Variants in TG observed in about 807,000 individuals in gnomAD.
TG encodes thyroid hormones.
TG carries 270 observed loss-of-function variants against 324.7 expected under a neutral mutation model. The ratio of observed to expected loss-of-function variants is 0.83; its 90% CI spans 0.75 to 0.92. The LOEUF (loss-of-function observed/expected upper bound fraction) is 0.92, where lower values mean the gene tolerates loss of function less well. TG is among the 40% of genes least tolerant of loss of function. The probability of loss-of-function intolerance (pLI) is 0.00; values close to 1 mark genes in which losing one functional copy is unlikely to be tolerated. For synonymous variants in TG, 1,401 were observed against 1,327.0 expected, an observed-to-expected ratio of 1.06 and a Z score of -1.21; for missense variants, 3,591 against 3,456.4, an observed-to-expected ratio of 1.04 and a Z score of -0.98.
chr8:133,077,090 C>T (rs1845008235), intron 41 of TG, among the ~76,000 whole-genome samples: 1 of 152,132 alleles, frequency 6.6e-6, no homozygotes, highest in Admixed American at 6.5e-5. Context: ...TGGGCTCTCT[C>T]TAGAGATATC....
rs371632708 is a variant in TG, at chr8:133,094,451, A to G, written c.7240-593A>G. On this transcript the variant is annotated intron_variant, in intron 41 of 47. Transcript: ENST00000220616. ...GAGATGGGGTTTCACTGTGTTAGCC[A>G]GGATGGTCTCGATCTCCTGACCTTG... 4.6e-5 allele frequency among the ~76,000 whole-genome samples: 7 copies of G among 152,136 alleles called. No individual in the cohort carries two copies. The South Asian group carries it at 1.2e-3, about 27-fold the overall frequency.
chr8:132,870,826 G>A (rs1363478056), intron 3 of TG, among the ~76,000 whole-genome samples: 1 of 151,986 alleles, frequency 6.6e-6, no homozygotes, highest in African/African-American at 2.4e-5. Flanking sequence ...CAGCTCTTAT[G>A]GACACTAATA....
intron 43 of TG, chr8:133,102,413 C>G: frequency 1.4e-6 from 1 of 693,282 alleles, no homozygotes; most frequent in South Asian, 1.8e-5. Context: ...CAGCAGAGAC[C>G]CACCCATTTT....
chr8:132,924,981 G>A (rs2132492643), intron 22 of TG, among the ~76,000 whole-genome samples: 1 of 152,212 alleles, frequency 6.6e-6, no homozygotes, highest in Middle Eastern at 3.4e-3. Context: ...ACCTTTCCCT[G>A]GAGCCACCTG....
At chr8:133,108,706 T>G (rs1257607409) in intron 43 of TG, among the ~76,000 whole-genome samples, 1 of 152,210 alleles carries the variant, frequency 6.6e-6, no homozygotes, top group Non-Finnish European at 1.5e-5. Flanking sequence ...CTAACCTGTA[T>G]TATCTCTACA....
At chr8:132,905,789 C>CA (rs972226696) in intron 16 of TG, among the ~76,000 whole-genome samples, 4 of 151,318 alleles carry the variant, frequency 2.6e-5, no homozygotes, top group East Asian at 1.9e-4. Context: ...CCTGGGAATT[C>CA]AAAAAAAAGA....
intron 45 of TG, among the ~76,000 whole-genome samples, chr8:133,124,725 G>T (rs1286715572): frequency 6.6e-6 from 1 of 152,160 alleles, no homozygotes; most frequent in Non-Finnish European, 1.5e-5. Context: ...CATTCAAAAT[G>T]ACTAAAGAGG....
intron 41 of TG, among the ~76,000 whole-genome samples, chr8:133,053,745 A>G (rs1840856845): frequency 6.6e-6 from 1 of 152,242 alleles, no homozygotes. Flanking sequence ...CATTATAAAA[A>G]CCACTGTTCC....
chr8:132,994,521 G>A (rs1247249770), intron 35 of TG, among the ~76,000 whole-genome samples: 1 of 152,094 alleles, frequency 6.6e-6, no homozygotes, highest in African/African-American at 2.4e-5. Context: ...TAGTTTTATG[G>A]CTTATAATAA....
chr8:132,907,889 G>A (rs1432477858), intron 17 of TG, among the ~76,000 whole-genome samples: 6 of 152,160 alleles, frequency 3.9e-5, no homozygotes, highest in African/African-American at 1.4e-4. Context: ...GAGTGGCCCT[G>A]TCTGTATGCA....
chr8:133,013,348 T>C (rs565379358), intron 36 of TG, among the ~76,000 whole-genome samples: 1 of 152,034 alleles, frequency 6.6e-6, no homozygotes, highest in South Asian at 2.1e-4. Context: ...AGTGGTTGGG[T>C]GGATGGATGG....
chr8:133,113,140 G>A (rs1328902964), intron 43 of TG, among the ~76,000 whole-genome samples: 3 of 152,170 alleles, frequency 2.0e-5, no homozygotes, highest in African/African-American at 7.2e-5. Flanking sequence ...CTTATTAAGT[G>A]CCAGGTACCA....
intron 43 of TG, among the ~76,000 whole-genome samples, chr8:133,112,590 A>T (rs1850350537): frequency 1.3e-5 from 2 of 151,892 alleles, no homozygotes; most frequent in Admixed American, 1.3e-4. Context: ...GGGGAAGAGA[A>T]GGTGAGGGAA....
chr8:133,062,831 G>A (rs1392756674), intron 41 of TG, among the ~76,000 whole-genome samples: 2 of 152,144 alleles, frequency 1.3e-5, no homozygotes, highest in African/African-American at 2.4e-5. Flanking sequence ...AAGCACACAT[G>A]TGACACGCAC....
intron 35 of TG, among the ~76,000 whole-genome samples, chr8:133,004,666 GA>G (rs1564064660): frequency 6.6e-6 from 1 of 152,168 alleles, no homozygotes; most frequent in African/African-American, 2.4e-5. Flanking sequence ...GAGAGTAGGG[GA>G]CACACAGGAC....
chr8:132,872,989 T>A, intron 4 of TG, 73 bp from the exon 5 acceptor site: 8 of 1,519,204 alleles, frequency 5.3e-6, no homozygotes, highest in Non-Finnish European at 7.3e-6. Flanking sequence ...GGGACACGAG[T>A]GCATATGCTG....
rs115476696 is a variant in TG at position 132,967,963 on chromosome 8, G to A, written c.5856G>A (p.Arg1952=). Residue 1952 remains arginine, a synonymous_variant, in exon 31 of 48, where the codon CGG becomes CGA. Transcript: ENST00000220616. The part of the protein sequence containing the change: ...ILPQMPKALF[R]KKVILEDKVK... ...CTCAGATGCCAAAGGCCCTGTTCCG[G>A]AAGAAAGGTGAGCACTTGGAGAGAT... The A allele has an allele frequency of 7.0e-4, 1,134 of 1,613,524 alleles. 2 individuals are homozygous for A. In the African/African-American group the frequency reaches 0.013, roughly 18 times the overall value.
At chr8:133,000,330 C>T (rs1242259003) in intron 35 of TG, among the ~76,000 whole-genome samples, 4 of 152,196 alleles carry the variant, frequency 2.6e-5, no homozygotes, top group African/African-American at 9.7e-5. Context: ...TAGCTCCCTC[C>T]ACCCCTTGCC....
chr8:133,087,303 C>G (rs557992351), intron 41 of TG, among the ~76,000 whole-genome samples: 13 of 152,286 alleles, frequency 8.5e-5, no homozygotes, highest in Admixed American at 5.2e-4. Flanking sequence ...TAAGGTCGCA[C>G]TGATGGATGT....
Sources: gnomAD v4.1 joint callset for allele counts (sites outside exome capture counted in the v4.1 genomes callset) on GRCh38, gnomAD v4.1.1 for gene constraint, MANE v1.5 for transcripts, NCBI Gene and HGNC (gene_info 2026-07-23, HGNC 2026-07-21) for gene names.